The following MCTP1 variants were observed in gnomAD, a reference collection of about 807,000 sequenced individuals.
MCTP1 encodes the protein multiple C2 and transmembrane domain containing 1.
Under a neutral mutation model 120.6 loss-of-function variants are expected in MCTP1, and 69 were observed. The ratio of observed to expected loss-of-function variants is 0.57; its 90% CI spans 0.47 to 0.70. The LOEUF (loss-of-function observed/expected upper bound fraction) is 0.70, where lower values mean the gene tolerates loss of function less well. Among genes scored for constraint, MCTP1 ranks in the 30% least tolerant of loss-of-function variants. The pLI, the probability that MCTP1 is intolerant of heterozygous loss-of-function variation, is 0.00. For synonymous variants in MCTP1, 529 were observed against 493.1 expected, an observed-to-expected ratio of 1.07 and a Z score of -0.96; for missense variants, 1,203 against 1,248.8, an observed-to-expected ratio of 0.96 and a Z score of 0.55.
chr5:94,894,253 A>G (rs184720214), intron 11 of MCTP1, among the ~76,000 whole-genome samples: 2 of 152,360 alleles, frequency 1.3e-5, no homozygotes, highest in Admixed American at 1.3e-4. Flanking sequence ...CGTACTAATT[A>G]ACGTAAGTAC....
At chr5:95,098,181 C>A (rs1756417894) in intron 1 of MCTP1, among the ~76,000 whole-genome samples, 2 of 152,070 alleles carry the variant, frequency 1.3e-5, no homozygotes. Flanking sequence ...GAGACTGAAC[C>A]ATATTTACAC....
At chr5:94,742,095 AT>A (rs5869648) in intron 19 of MCTP1, among the ~76,000 whole-genome samples, 112,928 of 152,098 alleles carry the variant, frequency 0.74, 42,290 homozygotes, top group East Asian at 0.97. Context: ...AGGTAATAAC[AT>A]TATTAGGGTA....
chr5:94,918,019 C>G, intron 7 of MCTP1, 46 bp from the exon 8 acceptor site: 1 of 1,384,852 alleles, frequency 7.2e-7, no homozygotes, highest in African/African-American at 1.4e-5. Flanking sequence ...AGCTTTGTAC[C>G]ATTCTCAACC....
chr5:95,024,987 T>C (rs989648513), intron 1 of MCTP1, among the ~76,000 whole-genome samples: 21 of 152,146 alleles, frequency 1.4e-4, no homozygotes, highest in African/African-American at 4.8e-4. Context: ...AAAATGTCCA[T>C]ACTAATCAAT....
chr5:94,923,903 C>T (rs1812339637), intron 7 of MCTP1, 59 bp downstream of exon 7: 3 of 1,070,314 alleles, frequency 2.8e-6, no homozygotes, highest in East Asian at 5.5e-5. Flanking sequence ...ATGTAACTTT[C>T]AAAATTGCTA....
At chr5:94,837,215 T>TA (rs1441781218) in intron 17 of MCTP1, among the ~76,000 whole-genome samples, 1 of 151,902 alleles carries the variant, frequency 6.6e-6, no homozygotes, top group African/African-American at 2.4e-5. Flanking sequence ...TCATCTCTAC[T>TA]AAAAATAAAA....
intron 19 of MCTP1, among the ~76,000 whole-genome samples, chr5:94,741,550 CAA>C (rs948795199): frequency 2.3e-4 from 35 of 152,290 alleles, no homozygotes; most frequent in African/African-American, 8.4e-4. Flanking sequence ...AGGAAACAGG[CAA>C]GCTCCAGGAC....
At chr5:95,108,750 T>G (rs942841169) in intron 1 of MCTP1, among the ~76,000 whole-genome samples, 4 of 152,200 alleles carry the variant, frequency 2.6e-5, no homozygotes, top group African/African-American at 9.7e-5. Flanking sequence ...ATAAGTTACC[T>G]CATACCTAGT....
intron 17 of MCTP1, among the ~76,000 whole-genome samples, chr5:94,813,487 C>T (rs2153074315): frequency 6.6e-6 from 1 of 152,252 alleles, no homozygotes; most frequent in East Asian, 1.9e-4. Flanking sequence ...AAACATATGC[C>T]TACATAAAGA....
intron 2 of MCTP1, among the ~76,000 whole-genome samples, chr5:94,961,104 G>C (rs1824034310): frequency 6.6e-6 from 1 of 152,120 alleles, no homozygotes; most frequent in African/African-American, 2.4e-5. Context: ...AAAAAAGAAT[G>C]AGTTCATGTC....
At chr5:95,229,259 A>T (rs1754643522) in intron 1 of MCTP1, among the ~76,000 whole-genome samples, 1 of 152,078 alleles carries the variant, frequency 6.6e-6, no homozygotes, top group Admixed American at 6.6e-5. Flanking sequence ...GCCACTGAAA[A>T]TTTTTCAGCA....
chr5:94,798,976 A>C (rs370208752), intron 18 of MCTP1, 37 bp downstream of exon 18: 1 of 1,592,628 alleles, frequency 6.3e-7, no homozygotes, highest in East Asian at 2.3e-5. Context: ...TCAGAATAAG[A>C]ACAAAAACAC....
chr5:94,788,157 A>G (rs923039947), intron 18 of MCTP1, among the ~76,000 whole-genome samples: 14 of 152,216 alleles, frequency 9.2e-5, no homozygotes, highest in African/African-American at 3.4e-4. Flanking sequence ...ACGCTACCAG[A>G]ACATTCAGTT....
intron 1 of MCTP1, among the ~76,000 whole-genome samples, chr5:95,236,429 C>T (rs1755547665): frequency 6.6e-6 from 1 of 152,146 alleles, no homozygotes; most frequent in African/African-American, 2.4e-5. Flanking sequence ...TGTAATTTAA[C>T]CCAGTTTTCT....
chr5:95,039,370 T>G (rs1841925902), intron 1 of MCTP1, among the ~76,000 whole-genome samples: 2 of 152,194 alleles, frequency 1.3e-5, no homozygotes, highest in South Asian at 4.1e-4. Flanking sequence ...TCTTTAGAAC[T>G]CTTCATCCAT....
At chr5:94,904,737 T>C (rs1806363592) in intron 10 of MCTP1, among the ~76,000 whole-genome samples, 1 of 152,228 alleles carries the variant, frequency 6.6e-6, no homozygotes, top group Non-Finnish European at 1.5e-5. Flanking sequence ...CATTAATGCC[T>C]GGTGTCAGAT....
At chr5:95,121,141 G>A (rs931521345) in intron 1 of MCTP1, among the ~76,000 whole-genome samples, 12 of 151,850 alleles carry the variant, frequency 7.9e-5, no homozygotes, top group Non-Finnish European at 1.0e-4. Flanking sequence ...AGCCTGGTGC[G>A]GTGGCGGGTG....
intron 22 of MCTP1, 131 bp downstream of exon 22, chr5:94,708,381 T>A (rs879641812): frequency 7.2e-6 from 4 of 558,340 alleles, no homozygotes; most frequent in Non-Finnish European, 1.2e-5. Context: ...ACTGGTAAAA[T>A]CTGCTACACA....
intron 1 of MCTP1, among the ~76,000 whole-genome samples, chr5:95,254,649 T>C (rs1326892499): frequency 6.6e-6 from 1 of 152,166 alleles, no homozygotes; most frequent in Non-Finnish European, 1.5e-5. Flanking sequence ...GTTAAGATGC[T>C]CAAAATAAAA....
Sources: gnomAD v4.1 joint callset for allele counts (sites outside exome capture counted in the v4.1 genomes callset) on GRCh38, gnomAD v4.1.1 for gene constraint, MANE v1.5 for transcripts, NCBI Gene and HGNC (gene_info 2026-07-23, HGNC 2026-07-21) for gene names.